Variants in RALGAPA2 observed in about 807,000 individuals in gnomAD.
The protein encoded by RALGAPA2 is Ral GTPase activating protein catalytic subunit alpha 2, also known as ral GTPase-activating protein subunit alpha-2.
RALGAPA2 carries 139 observed loss-of-function variants against 230.4 expected under a neutral mutation model. The ratio of observed to expected loss-of-function variants is 0.60; its 90% CI spans 0.53 to 0.69. The LOEUF (loss-of-function observed/expected upper bound fraction) is 0.69, where lower values mean the gene tolerates loss of function less well. RALGAPA2 is among the 30% of genes least tolerant of loss of function. The pLI is 0.00. For missense variants in RALGAPA2, 2,163 were observed against 2,276.0 expected (o/e 0.95, Z 1.01); for synonymous variants, 847 against 837.8 (o/e 1.01, Z -0.19).
At chr20:20,630,670 T>G (rs950270022) in intron 9 of RALGAPA2, among the ~76,000 whole-genome samples, 4 of 152,206 alleles carry the variant, frequency 2.6e-5, no homozygotes, top group African/African-American at 9.6e-5. Flanking sequence ...TTTTTCTATC[T>G]GAAGCTTCAG....
intron 15 of RALGAPA2, among the ~76,000 whole-genome samples, chr20:20,602,667 T>C (rs1471977963): frequency 6.6e-6 from 1 of 152,220 alleles, no homozygotes; most frequent in Non-Finnish European, 1.5e-5. Context: ...GCAACATAAA[T>C]CAGAAATATT....
intron 1 of RALGAPA2, among the ~76,000 whole-genome samples, chr20:20,696,578 C>T: frequency 6.6e-6 from 1 of 152,052 alleles, no homozygotes; most frequent in East Asian, 1.9e-4. Flanking sequence ...TCCACACCAT[C>T]TTATCCCTAT....
intron 23 of RALGAPA2, among the ~76,000 whole-genome samples, chr20:20,559,402 C>G (rs1036117272): frequency 6.6e-5 from 10 of 152,156 alleles, no homozygotes; most frequent in African/African-American, 2.2e-4. Context: ...CGGAAGCCAG[C>G]TCTATCAACC....
intron 23 of RALGAPA2, among the ~76,000 whole-genome samples, chr20:20,554,904 T>C (rs573471823): frequency 6.6e-6 from 1 of 152,368 alleles, no homozygotes; most frequent in East Asian, 1.9e-4. Flanking sequence ...TAGCATCTTT[T>C]GAAGCACAAA....
intron 37 of RALGAPA2, among the ~76,000 whole-genome samples, chr20:20,460,986 C>T (rs1240287244): frequency 6.6e-6 from 1 of 152,208 alleles, no homozygotes; most frequent in African/African-American, 2.4e-5. Context: ...GAAACCCACA[C>T]TTAGGCTAAA....
At chr20:20,439,218 T>G (rs1040405879) in intron 37 of RALGAPA2, among the ~76,000 whole-genome samples, 7 of 143,468 alleles carry the variant, frequency 4.9e-5, no homozygotes, top group Non-Finnish European at 9.2e-5. Context: ...CTGGTTTTAG[T>G]TTTTTTTTTT....
chr20:20,536,547 G>T, intron 25 of RALGAPA2, 109 bp downstream of exon 25: 1 of 1,254,160 alleles, frequency 8.0e-7, no homozygotes, highest in Non-Finnish European at 1.1e-6. Flanking sequence ...AAAAGATACA[G>T]CAAAACTTCA....
Position 20,601,757 on chromosome 20 carries a change from G to A in RALGAPA2, c.2128C>T (p.Arg710Ter), listed in dbSNP as rs368804478. 35 of 1,613,584 alleles carry A rather than the reference G, an allele frequency of 2.2e-5. No individual in the cohort carries two copies. The highest frequency in any genetic ancestry group is 3.3e-5 in the Admixed American group (2 of 59,984). Residue 710 changes from arginine (R) to a stop codon, truncating the protein, a stop_gained, in exon 16 of 40, where the codon CGA (arginine) becomes TGA (stop). Coordinates refer to ENST00000202677, the MANE Select transcript of RALGAPA2 (RefSeq NM_020343.4). LOFTEE classifies it high-confidence loss of function. ...CCAGACGTGGTGGCACTCCTAAATCGCATCGGTTCGGTCACATCTGGGTGG... is the reference window on the plus strand; with the variant it reads ...CCAGACGTGGTGGCACTCCTAAATCACATCGGTTCGGTCACATCTGGGTGG... ...RSHPDVTEPM[R>*]FRSATTSGAP...
chr20:20,589,390 A>T, intron 17 of RALGAPA2, 25 bp from the exon 18 acceptor site: 1 of 1,555,622 alleles, frequency 6.4e-7, no homozygotes, highest in Middle Eastern at 1.7e-4. Flanking sequence ...GCAGGGGGGT[A>T]GCGGAAATAG....
At chr20:20,441,033 A>G (rs561155932) in intron 37 of RALGAPA2, among the ~76,000 whole-genome samples, 1 of 152,356 alleles carries the variant, frequency 6.6e-6, no homozygotes, top group South Asian at 2.1e-4. Context: ...CTCTTTTATC[A>G]GTTAGTGGCC....
chr20:20,471,268 C>T (rs1255710998), intron 37 of RALGAPA2: 1 of 151,996 alleles, frequency 6.6e-6, no homozygotes, highest in African/African-American at 2.4e-5. Context: ...AATTGTATCA[C>T]ATTAATTCTT....
In RALGAPA2 at chr20:20,414,072, G is replaced by T. The variant is rs186306560; in HGVS notation, c.5496-1924C>A. Among the ~76,000 whole-genome samples the T allele has an allele frequency of 1.0e-4, 16 of 152,386 alleles. No individual in the cohort carries two copies. In the East Asian group the frequency reaches 2.5e-3, roughly 24 times the overall value. ...AGCAGGACGTTAGGCCTGAGTGGCCGTCTGGCGAACAGGCACTCTGACACT... is the reference window on the plus strand; with the variant it reads ...AGCAGGACGTTAGGCCTGAGTGGCCTTCTGGCGAACAGGCACTCTGACACT... On this transcript the variant is annotated intron_variant, in intron 37 of 39. Transcript: ENST00000202677.
chr20:20,704,850 C>T (rs565732765), intron 1 of RALGAPA2, among the ~76,000 whole-genome samples: 13 of 152,346 alleles, frequency 8.5e-5, no homozygotes, highest in Admixed American at 7.8e-4. Flanking sequence ...TGGTGCTACA[C>T]ACCATTACCT....
At chr20:20,703,411 T>C (rs887056230) in intron 1 of RALGAPA2, among the ~76,000 whole-genome samples, 3 of 152,248 alleles carry the variant, frequency 2.0e-5, no homozygotes, top group Admixed American at 6.5e-5. Context: ...TCTCAATTGC[T>C]AGATTTTGCT....
At chr20:20,479,782 A>G (rs1471714420) in intron 36 of RALGAPA2, among the ~76,000 whole-genome samples, 1 of 152,218 alleles carries the variant, frequency 6.6e-6, no homozygotes, top group Non-Finnish European at 1.5e-5. Flanking sequence ...CAATACAGTA[A>G]TGCAAGACAC....
At chr20:20,618,015 G>C (rs917537545) in intron 12 of RALGAPA2, among the ~76,000 whole-genome samples, 2 of 152,146 alleles carry the variant, frequency 1.3e-5, no homozygotes, top group South Asian at 4.1e-4. Flanking sequence ...CTTTAAGCAA[G>C]ATATAAAAAA....
chr20:20,658,479 C>T (rs899853204), intron 3 of RALGAPA2, among the ~76,000 whole-genome samples: 4 of 152,090 alleles, frequency 2.6e-5, no homozygotes, highest in Non-Finnish European at 5.9e-5. Context: ...AAGCTACTGA[C>T]ATCTTGTTTG....
chr20:20,686,373 C>T (rs1161131154), intron 1 of RALGAPA2, among the ~76,000 whole-genome samples: 2 of 151,958 alleles, frequency 1.3e-5, no homozygotes, highest in Non-Finnish European at 2.9e-5. Flanking sequence ...TGGTGAAATC[C>T]CAACTCTACT....
intron 24 of RALGAPA2, among the ~76,000 whole-genome samples, chr20:20,541,057 A>AT (rs56090872): frequency 0.92 from 129,142 of 140,914 alleles, 59,339 homozygotes; most frequent in Middle Eastern, 0.96. Context: ...AGTCAGGAGA[A>AT]TTTTTTTTTT....
Sources: allele counts gnomAD v4.1 joint callset (sites outside exome capture counted in the v4.1 genomes callset), GRCh38; gene constraint gnomAD v4.1.1; transcripts MANE v1.5; gene names NCBI Gene and HGNC (gene_info 2026-07-23, HGNC 2026-07-21).